RIMS2: variants seen among roughly 807,000 people sequenced by gnomAD.
The protein encoded by RIMS2 is regulating synaptic membrane exocytosis protein 2.
A neutral mutation model predicts 174.4 loss-of-function variants in RIMS2; 59 were observed. The observed-to-expected ratio is 0.34, with a 90% CI of 0.27 to 0.42. The LOEUF is 0.42. Ranked by LOEUF, RIMS2 falls within the 10% of genes least tolerant of loss-of-function variation. RIMS2 has a pLI of 1.00. For synonymous variants in RIMS2, 606 were observed against 572.5 expected (o/e 1.06, Z -0.84); for missense variants, 1,620 against 1,666.3 (o/e 0.97, Z 0.48).
chr8:103,851,109 G>C (rs2098995384), intron 3 of RIMS2, among the ~76,000 whole-genome samples: 1 of 151,928 alleles, frequency 6.6e-6, no homozygotes, highest in African/African-American at 2.4e-5. Flanking sequence ...AAGGTGCTTA[G>C]AGAACAACTA....
At chr8:103,605,596 T>G (rs2095027449) in intron 1 of RIMS2, among the ~76,000 whole-genome samples, 1 of 151,932 alleles carries the variant, frequency 6.6e-6, no homozygotes, top group Non-Finnish European at 1.5e-5. Context: ...TCCTTGTACC[T>G]CTGGTAGAAT....
At chr8:103,519,046 T>C (rs1479950402) in intron 1 of RIMS2, among the ~76,000 whole-genome samples, 1 of 152,122 alleles carries the variant, frequency 6.6e-6, no homozygotes, top group Non-Finnish European at 1.5e-5. Flanking sequence ...TTTTCCAGCT[T>C]CATCTTCCAC....
chr8:104,123,426 CT>C (rs1259830609), intron 19 of RIMS2, among the ~76,000 whole-genome samples: 1 of 151,566 alleles, frequency 6.6e-6, no homozygotes, highest in Non-Finnish European at 1.5e-5. Context: ...AAATTAAAAC[CT>C]TTAAGTATGA....
intron 1 of RIMS2, among the ~76,000 whole-genome samples, chr8:103,557,142 A>G (rs180818461): frequency 1.3e-5 from 2 of 152,356 alleles, no homozygotes; most frequent in East Asian, 1.9e-4. Context: ...GTTTACCTCA[A>G]TAAATGCTAG....
Position 103,904,733 on chromosome 8 carries a change from A to G in RIMS2, c.1625-5401A>G, listed in dbSNP as rs558326414. On this transcript the variant is annotated intron_variant, in intron 4 of 23. Coordinates refer to ENST00000504942, the Ensembl canonical transcript of RIMS2. ...TTCTATGTTTATAATCATGAACAAT[A>G]TTGGTCTACAGCTCATTTATAGTTT... Among the ~76,000 whole-genome samples the G allele has an allele frequency of 8.1e-4, 123 of 152,020 alleles. 1 individual carries two copies. Among genetic ancestry groups the G allele is most frequent in the Non-Finnish European group, 1.3e-3 (86 of 67,900 alleles).
intron 12 of RIMS2, among the ~76,000 whole-genome samples, chr8:103,933,634 G>A (rs1418165139): frequency 6.6e-6 from 1 of 152,116 alleles, no homozygotes; most frequent in Non-Finnish European, 1.5e-5. Flanking sequence ...TCTTAGCTGA[G>A]TTCCTTGTTA....
intron 19 of RIMS2, among the ~76,000 whole-genome samples, chr8:104,099,690 A>C (rs1392549262): frequency 2.6e-5 from 4 of 152,214 alleles, no homozygotes; most frequent in Non-Finnish European, 5.9e-5. Flanking sequence ...CAGTTAGATC[A>C]ATTTCAGGAT....
intron 1 of RIMS2, among the ~76,000 whole-genome samples, chr8:103,505,129 C>T (rs1822814613): frequency 6.6e-6 from 1 of 152,142 alleles, no homozygotes. Context: ...GTTGGGATTA[C>T]AGGTGTGAGC....
intron 3 of RIMS2, among the ~76,000 whole-genome samples, chr8:103,777,161 C>T (rs911660777): frequency 6.6e-6 from 1 of 151,710 alleles, no homozygotes; most frequent in Non-Finnish European, 1.5e-5. Flanking sequence ...TAGTGGTGCT[C>T]ATTAAATAGT....
chr8:104,058,276 T>C (rs2096910889), intron 19 of RIMS2, among the ~76,000 whole-genome samples: 1 of 148,820 alleles, frequency 6.7e-6, no homozygotes, highest in Non-Finnish European at 1.5e-5. Context: ...TGGTGTGAGA[T>C]GGTATCTCAT....
chr8:103,672,257 T>A (rs2136383204), intron 1 of RIMS2, among the ~76,000 whole-genome samples: 1 of 152,264 alleles, frequency 6.6e-6, no homozygotes, highest in East Asian at 1.9e-4. Context: ...ATTTATCTAC[T>A]ATCTCTTATT....
chr8:104,039,978 T>G (rs10096967), intron 19 of RIMS2, among the ~76,000 whole-genome samples: 38,328 of 151,406 alleles, frequency 0.25, 5,259 homozygotes, highest in African/African-American at 0.35. Context: ...TGATATTAAA[T>G]TTCCAAATGT....
intron 2 of RIMS2, among the ~76,000 whole-genome samples, chr8:103,757,552 T>C (rs755701394): frequency 2.6e-5 from 4 of 152,174 alleles, no homozygotes; most frequent in Non-Finnish European, 5.9e-5. Flanking sequence ...AATTTTACTT[T>C]AATTTTGTCT....
Position 103,837,607 on chromosome 8 carries a change from C to T in RIMS2, c.699-47691C>T, listed in dbSNP as rs369692685. On this transcript the variant is annotated intron_variant, in intron 3 of 23. Transcript: ENST00000504942. ...ATTCCCACCTATGAGTGAGAACATGCGGTGTTTGGTTTTTTGTCCTTGCGA... is the reference window on the plus strand; with the variant it reads ...ATTCCCACCTATGAGTGAGAACATGTGGTGTTTGGTTTTTTGTCCTTGCGA... 1.7e-4 allele frequency among the ~76,000 whole-genome samples: 26 copies of T among 150,680 alleles called. 1 individual carries two copies. Among genetic ancestry groups the T allele is most frequent in the African/African-American group, 5.4e-4 (22 of 41,044 alleles).
intron 1 of RIMS2, among the ~76,000 whole-genome samples, chr8:103,512,352 A>T (rs1268428699): frequency 6.6e-6 from 1 of 152,216 alleles, no homozygotes. Context: ...GTAAATTTAT[A>T]GTAGGCTATG....
At chr8:104,103,967 A>G (rs183596960) in intron 19 of RIMS2, among the ~76,000 whole-genome samples, 2 of 152,336 alleles carry the variant, frequency 1.3e-5, no homozygotes, top group East Asian at 1.9e-4. Flanking sequence ...GAGAAGGTCT[A>G]TCTGAAGGTA....
chr8:104,200,019 C>T (rs1563713132), intron 19 of RIMS2, among the ~76,000 whole-genome samples: 1 of 152,120 alleles, frequency 6.6e-6, no homozygotes, highest in Non-Finnish European at 1.5e-5. Flanking sequence ...TGTCATGATT[C>T]TGAAGGTCCA....
intron 19 of RIMS2, among the ~76,000 whole-genome samples, chr8:104,023,750 G>A (rs944622227): frequency 2.0e-5 from 3 of 152,006 alleles, no homozygotes; most frequent in Non-Finnish European, 2.9e-5. Context: ...CTTATAAAGA[G>A]GTATTTACCA....
chr8:103,640,762 C>T (rs1248245617), intron 1 of RIMS2, among the ~76,000 whole-genome samples: 2 of 151,960 alleles, frequency 1.3e-5, no homozygotes, highest in African/African-American at 2.4e-5. Flanking sequence ...AAGGGTGTTT[C>T]ATGGCCTAGA....
Sources: gnomAD v4.1 joint callset for allele counts (sites outside exome capture counted in the v4.1 genomes callset) on GRCh38, gnomAD v4.1.1 for gene constraint, MANE v1.5 for transcripts, NCBI Gene and HGNC (gene_info 2026-07-23, HGNC 2026-07-21) for gene names.